Variants in KCNH7 observed in about 807,000 individuals in gnomAD.
KCNH7 encodes potassium voltage-gated channel subfamily H member 7, also known as voltage-gated inwardly rectifying potassium channel KCNH7.
A neutral mutation model predicts 120.8 loss-of-function variants in KCNH7; 49 were observed. That is an observed-to-expected ratio of 0.41 (90% confidence interval 0.32 to 0.51). The LOEUF is 0.51. KCNH7 is among the 20% of genes least tolerant of loss of function. KCNH7 has a pLI of 0.38. For synonymous variants in KCNH7, 547 were observed against 516.1 expected (o/e 1.06, Z -0.81); for missense variants, 1,097 against 1,446.6 (o/e 0.76, Z 3.92).
chr2:162,529,364 G>A (rs1691834944), intron 3 of KCNH7, among the ~76,000 whole-genome samples: 1 of 151,852 alleles, frequency 6.6e-6, no homozygotes, highest in African/African-American at 2.4e-5. Context: ...AGGGAATGCG[G>A]TGACATGGAA....
chr2:162,772,113 TAAG>T (rs1269808804), intron 2 of KCNH7: 1 of 152,198 alleles, frequency 6.6e-6, no homozygotes, highest in Admixed American at 6.5e-5. Context: ...TTTTGTTATA[TAAG>T]ATGATGAATC....
chr2:162,470,523 C>A (rs886993388), intron 6 of KCNH7, among the ~76,000 whole-genome samples: 2 of 152,116 alleles, frequency 1.3e-5, no homozygotes, highest in South Asian at 4.1e-4. Context: ...GCCACCCCGT[C>A]TAGGAAGTGA....
intron 2 of KCNH7, among the ~76,000 whole-genome samples, chr2:162,724,683 A>G (rs1277663254): frequency 6.6e-6 from 1 of 151,566 alleles, no homozygotes; most frequent in Non-Finnish European, 1.5e-5. Flanking sequence ...AAAAAAAAAA[A>G]AGAATATACT....
At chr2:162,600,709 C>G (rs1377868198) in intron 2 of KCNH7, among the ~76,000 whole-genome samples, 3 of 152,018 alleles carry the variant, frequency 2.0e-5, no homozygotes, top group Non-Finnish European at 4.4e-5. Flanking sequence ...TTAACACTTC[C>G]AATACAGACA....
At chr2:162,430,227 CT>C (rs767231915) in intron 8 of KCNH7, among the ~76,000 whole-genome samples, 2 of 151,910 alleles carry the variant, frequency 1.3e-5, no homozygotes, top group Non-Finnish European at 2.9e-5. Context: ...TTCCTTTCTG[CT>C]GGTTAAAATT....
intron 5 of KCNH7, among the ~76,000 whole-genome samples, chr2:162,506,902 A>G (rs975869253): frequency 2.0e-5 from 3 of 151,846 alleles, no homozygotes; most frequent in African/African-American, 4.8e-5. Flanking sequence ...AAGAATTTCA[A>G]TGTCACAATT....
intron 2 of KCNH7, among the ~76,000 whole-genome samples, chr2:162,800,379 C>A (rs1278783836): frequency 6.6e-6 from 1 of 151,644 alleles, no homozygotes; most frequent in Non-Finnish European, 1.5e-5. Flanking sequence ...GGTCTTTTTA[C>A]TGAAAGTCTT....
intron 2 of KCNH7, among the ~76,000 whole-genome samples, chr2:162,781,674 T>A (rs1209675112): frequency 6.6e-6 from 1 of 152,126 alleles, no homozygotes; most frequent in Non-Finnish European, 1.5e-5. Flanking sequence ...AAGATTAGTG[T>A]CTACATATTG....
chr2:162,534,192 T>G (rs1057367434), intron 3 of KCNH7, among the ~76,000 whole-genome samples: 2 of 151,178 alleles, frequency 1.3e-5, no homozygotes, highest in Non-Finnish European at 1.5e-5. Flanking sequence ...CTTAAAATCA[T>G]ATACCAAAAA....
At chr2:162,475,897 C>T (rs767244592) in intron 6 of KCNH7, among the ~76,000 whole-genome samples, 4 of 152,324 alleles carry the variant, frequency 2.6e-5, no homozygotes, top group Admixed American at 6.5e-5. Flanking sequence ...GACAAAGAGC[C>T]AGCTGGGCAT....
intron 13 of KCNH7, 120 bp downstream of exon 13, chr2:162,384,568 A>G: frequency 9.9e-7 from 1 of 1,008,442 alleles, no homozygotes; most frequent in Non-Finnish European, 1.5e-6. Context: ...CTTCGCGAAC[A>G]TTTCATGAAG....
At chr2:162,755,977 T>G (rs145351856) in intron 2 of KCNH7, among the ~76,000 whole-genome samples, 45 of 152,246 alleles carry the variant, frequency 3.0e-4, no homozygotes, top group African/African-American at 1.1e-3. Context: ...AACACTAAGT[T>G]AAGAGAAATA....
Position 162,687,888 on chromosome 2 carries a change from G to A in KCNH7, c.307+148649C>T, listed in dbSNP as rs552172891. ...TCTAGTAAATAAAAACTATGTGTAT[G>A]TACAATGCAGGTTAATGTTATCAGG... On this transcript the variant is annotated intron_variant, in intron 2 of 15. Coordinates refer to ENST00000332142, the MANE Select transcript of KCNH7 (RefSeq NM_033272.4). Among the ~76,000 whole-genome samples, 6 of 152,226 alleles carry A rather than the reference G, an allele frequency of 3.9e-5. No homozygotes were observed. In the East Asian group the frequency reaches 1.2e-3, roughly 30 times the overall value.
At position 162,440,906 on chromosome 2, in the gene KCNH7, CAT is replaced by C. The variant is rs1688396103; in HGVS notation, c.1554+5110_1554+5111del. Among the ~76,000 whole-genome samples, 2 of 152,050 alleles carry C rather than the reference CAT, an allele frequency of 1.3e-5. 1 individual carries two copies. Among genetic ancestry groups the C allele is most frequent in the South Asian group, 4.1e-4 (2 of 4,830 alleles). ...ACAACAAATAAATAACTAGGGATGTCATATTTTTTAAATGATAATTTGACTTG... is the reference window on the plus strand; with the variant it reads ...ACAACAAATAAATAACTAGGGATGTCATTTTTTAAATGATAATTTGACTTG... On this transcript the variant is annotated intron_variant, in intron 7 of 15. Coordinates refer to ENST00000332142, the MANE Select transcript of KCNH7 (RefSeq NM_033272.4).
intron 2 of KCNH7, among the ~76,000 whole-genome samples, chr2:162,547,217 C>A (rs767406041): frequency 2.4e-4 from 37 of 152,224 alleles, no homozygotes; most frequent in Non-Finnish European, 4.4e-4. Context: ...GAGCAGGGGG[C>A]AAACCACCCA....
chr2:162,571,292 A>T (rs1444136360), intron 2 of KCNH7, among the ~76,000 whole-genome samples: 1 of 152,200 alleles, frequency 6.6e-6, no homozygotes, highest in Non-Finnish European at 1.5e-5. Flanking sequence ...ACTCCCATTC[A>T]CAATTGCTTC....
chr2:162,769,848 C>A (rs535220291), intron 2 of KCNH7, among the ~76,000 whole-genome samples: 1 of 152,094 alleles, frequency 6.6e-6, no homozygotes, highest in African/African-American at 2.4e-5. Flanking sequence ...AACACACAAA[C>A]TTAGGATGCA....
chr2:162,726,473 G>T (rs1314360465), intron 2 of KCNH7, among the ~76,000 whole-genome samples: 1 of 152,152 alleles, frequency 6.6e-6, no homozygotes, highest in East Asian at 1.9e-4. Flanking sequence ...AGACTGAAGT[G>T]CAGTGGCGCC....
chr2:162,521,557 T>C (rs1691523784), intron 3 of KCNH7, among the ~76,000 whole-genome samples: 1 of 151,894 alleles, frequency 6.6e-6, no homozygotes. Context: ...CTTTCATTTG[T>C]GGTCTAGCAG....
Sources: allele counts gnomAD v4.1 joint callset (sites outside exome capture counted in the v4.1 genomes callset), GRCh38; gene constraint gnomAD v4.1.1; transcripts MANE v1.5; gene names NCBI Gene and HGNC (gene_info 2026-07-23, HGNC 2026-07-21).